The following PTN variants were observed in gnomAD, a reference collection of about 807,000 sequenced individuals.
The protein encoded by PTN is heparin affin regulatory protein.
In PTN, 18 loss-of-function variants were observed where a neutral mutation model predicts 24.1. That is an observed-to-expected ratio of 0.75 (90% confidence interval 0.52 to 1.11). The LOEUF (loss-of-function observed/expected upper bound fraction) is 1.11. Among genes scored for constraint, PTN ranks in the 50% least tolerant of loss-of-function variants. The pLI, the probability that PTN is intolerant of heterozygous loss-of-function variation, is 0.00. For synonymous variants in PTN, 78 were observed against 68.6 expected (o/e 1.14, Z -0.67); for missense variants, 163 against 198.8 (o/e 0.82, Z 1.08).
intron 1 of PTN, chr7:137,325,895 C>T (rs964927240): frequency 6.6e-6 from 1 of 152,306 alleles, no homozygotes; most frequent in Admixed American, 6.5e-5. Flanking sequence ...CACACCATTC[C>T]ATGTGCATGT....
At chr7:137,298,413 A>ATT (rs56096927) in intron 1 of PTN, among the ~76,000 whole-genome samples, 5 of 151,454 alleles carry the variant, frequency 3.3e-5, no homozygotes, top group Admixed American at 6.6e-5. Context: ...GTGGAAATTT[A>ATT]TTTTTTTTCA....
intron 1 of PTN, among the ~76,000 whole-genome samples, chr7:137,272,717 T>C (rs1563207691): frequency 6.6e-6 from 1 of 152,056 alleles, no homozygotes; most frequent in Admixed American, 6.5e-5. Flanking sequence ...TATTTCTCTC[T>C]AAAAAAACGA....
At chr7:137,239,375 TTTATTTATTTATTTA>T (rs1808580877) in intron 4 of PTN, among the ~76,000 whole-genome samples, 1 of 33,064 alleles carries the variant, frequency 3.0e-5, no homozygotes, top group Non-Finnish European at 5.8e-5. Flanking sequence ...AATTTTCTTT[TTTATTTATTTATTTA>T]TTTATTTATT....
At chr7:137,303,254 C>T (rs7788394) in intron 1 of PTN, among the ~76,000 whole-genome samples, 8,009 of 151,880 alleles carry the variant, frequency 0.053, 399 homozygotes, top group African/African-American at 0.13. Flanking sequence ...ATTTTATTTC[C>T]CAGGTAATTC....
intron 4 of PTN, among the ~76,000 whole-genome samples, chr7:137,250,130 A>G (rs1808797642): frequency 6.6e-6 from 1 of 152,196 alleles, no homozygotes; most frequent in African/African-American, 2.4e-5. Flanking sequence ...ATATGAGTAG[A>G]GGCCAAGAAG....
chr7:137,278,926 G>A (rs1310995730), intron 1 of PTN, among the ~76,000 whole-genome samples: 1 of 144,480 alleles, frequency 6.9e-6, no homozygotes, highest in Admixed American at 7.1e-5. Flanking sequence ...GGGTGACAAA[G>A]TGAGACTCCA....
At chr7:137,284,186 G>A (rs371023946) in intron 1 of PTN, among the ~76,000 whole-genome samples, 10 of 151,252 alleles carry the variant, frequency 6.6e-5, no homozygotes, top group East Asian at 5.9e-4. Context: ...TCGATCTCCC[G>A]ACCTCGTGAT....
intron 2 of PTN, 55 bp from the exon 3 acceptor site, chr7:137,253,692 A>G: frequency 7.2e-7 from 1 of 1,379,810 alleles, no homozygotes; most frequent in Non-Finnish European, 9.5e-7. Context: ...TAACTTCCAG[A>G]TATAACCAAG....
intron 4 of PTN, among the ~76,000 whole-genome samples, chr7:137,233,772 G>T (rs1423562769): frequency 1.3e-5 from 2 of 151,782 alleles, no homozygotes; most frequent in East Asian, 1.9e-4. Context: ...ACCTACAGTA[G>T]ATTTACCCTG....
chr7:137,297,439 T>C (rs937179092), intron 1 of PTN, among the ~76,000 whole-genome samples: 1 of 152,064 alleles, frequency 6.6e-6, no homozygotes, highest in African/African-American at 2.4e-5. Context: ...GATAATTTCA[T>C]GAATGCATTA....
chr7:137,264,747 C>A (rs927328740), intron 1 of PTN, among the ~76,000 whole-genome samples: 1 of 152,166 alleles, frequency 6.6e-6, no homozygotes, highest in Non-Finnish European at 1.5e-5. Flanking sequence ...GTCTAGCATT[C>A]ATTAGCTAAT....
intron 1 of PTN, among the ~76,000 whole-genome samples, chr7:137,301,851 A>G (rs1175243324): frequency 6.6e-6 from 1 of 151,990 alleles, no homozygotes; most frequent in Non-Finnish European, 1.5e-5. Flanking sequence ...TTTGAAGACT[A>G]AGATCTAGCT....
At chr7:137,237,181 G>A (rs532007769) in intron 4 of PTN, among the ~76,000 whole-genome samples, 40 of 152,148 alleles carry the variant, frequency 2.6e-4, no homozygotes, top group African/African-American at 7.7e-4. Context: ...GAGGGCATTC[G>A]GATAGACCCT....
chr7:137,312,466 T>G (rs1809997740), intron 1 of PTN, among the ~76,000 whole-genome samples: 1 of 152,256 alleles, frequency 6.6e-6, no homozygotes, highest in Non-Finnish European at 1.5e-5. Context: ...GGGTGGTTTA[T>G]TCTGCCCGTT....
chr7:137,261,933 A>C (rs2128872700), intron 1 of PTN, among the ~76,000 whole-genome samples: 1 of 152,278 alleles, frequency 6.6e-6, no homozygotes, highest in African/African-American at 2.4e-5. Flanking sequence ...ACATCAGATA[A>C]TTTCTTTATG....
intron 1 of PTN, among the ~76,000 whole-genome samples, chr7:137,283,082 A>T (rs1809498352): frequency 6.6e-6 from 1 of 152,178 alleles, no homozygotes; most frequent in African/African-American, 2.4e-5. Flanking sequence ...CCTCCACTCC[A>T]CAAATGATGT....
At position 137,311,898 on chromosome 7, in the gene PTN, T is replaced by C. The variant is rs573914602; in HGVS notation, c.-2+31541A>G. 6.0e-5 allele frequency among the ~76,000 whole-genome samples: 8 copies of C among 133,972 alleles called. 2 individuals carry two copies. The highest frequency in any genetic ancestry group is 3.3e-4 in the African/African-American group (8 of 24,522). 87.9% of individuals were successfully genotyped at this position (133,972 alleles called of 152,430 possible). ...GAGACACAAAGCGACCACATGCTGTTGGAAAATGGTGCTGATAGACTTGCT... is the reference window on the plus strand; with the variant it reads ...GAGACACAAAGCGACCACATGCTGTCGGAAAATGGTGCTGATAGACTTGCT... On this transcript the variant is annotated intron_variant, in intron 1 of 4. Coordinates refer to ENST00000348225, the MANE Select transcript of PTN (RefSeq NM_002825.7).
intron 1 of PTN, among the ~76,000 whole-genome samples, chr7:137,307,340 G>C (rs1809905952): frequency 6.6e-6 from 1 of 151,970 alleles, no homozygotes; most frequent in Admixed American, 6.6e-5. Flanking sequence ...TACTAGTAAA[G>C]TTACCACTGA....
chr7:137,235,410 G>A (rs774207284), intron 4 of PTN, among the ~76,000 whole-genome samples: 22 of 152,112 alleles, frequency 1.4e-4, no homozygotes, highest in East Asian at 1.9e-4. Context: ...GCTGCCTAAC[G>A]TGGCACTGTT....
Sources: allele counts gnomAD v4.1 joint callset (sites outside exome capture counted in the v4.1 genomes callset), GRCh38; gene constraint gnomAD v4.1.1; transcripts MANE v1.5; gene names NCBI Gene and HGNC (gene_info 2026-07-23, HGNC 2026-07-21).